Variants in DAB1 observed in about 807,000 individuals in gnomAD.
The protein encoded by DAB1 is DAB adaptor protein 1, also known as disabled homolog 1.
DAB1 carries 15 observed loss-of-function variants against 64.6 expected under a neutral mutation model. The observed-to-expected ratio is 0.23, with a 90% CI of 0.16 to 0.36. The LOEUF (loss-of-function observed/expected upper bound fraction) is 0.36, where lower values mean the gene tolerates loss of function less well. Among genes scored for constraint, DAB1 ranks in the 10% least tolerant of loss-of-function variants. The probability of loss-of-function intolerance (pLI) is 1.00; values close to 1 mark genes in which losing one functional copy is unlikely to be tolerated. For missense variants in DAB1, 596 were observed against 706.7 expected, an observed-to-expected ratio of 0.84 and a Z score of 1.78; for synonymous variants, 235 against 251.9, an observed-to-expected ratio of 0.93 and a Z score of 0.64.
chr1:58,333,655 G>A (rs1663028867), intron 4 of DAB1, among the ~76,000 whole-genome samples: 7 of 152,212 alleles, frequency 4.6e-5, no homozygotes, highest in Admixed American at 4.6e-4. Flanking sequence ...TATTTTGTAT[G>A]CTAAAAAATG....
intron 2 of DAB1, among the ~76,000 whole-genome samples, chr1:57,266,404 A>G (rs1670592731): frequency 6.6e-6 from 1 of 152,150 alleles, no homozygotes; most frequent in Non-Finnish European, 1.5e-5. Flanking sequence ...CTTGCATCTC[A>G]ATACATGGAG....
chr1:58,085,218 G>A (rs1380551742), intron 5 of DAB1, among the ~76,000 whole-genome samples: 1 of 152,166 alleles, frequency 6.6e-6, no homozygotes, highest in African/African-American at 2.4e-5. Context: ...GCCCTTGTGG[G>A]ATCTTGTCCT....
At chr1:57,753,204 T>C (rs1463508507) in intron 6 of DAB1, among the ~76,000 whole-genome samples, 2 of 152,240 alleles carry the variant, frequency 1.3e-5, no homozygotes, top group Admixed American at 6.5e-5. Flanking sequence ...ATAGGAAGCA[T>C]AGAAAAAGCC....
chr1:57,272,975 T>TC (rs1002122853), intron 2 of DAB1, among the ~76,000 whole-genome samples: 12 of 151,998 alleles, frequency 7.9e-5, no homozygotes, highest in South Asian at 2.1e-4. Flanking sequence ...TGCTTTCTGT[T>TC]CCCCCCCATT....
chr1:57,327,657 G>T (rs1676286657), intron 1 of DAB1, among the ~76,000 whole-genome samples: 1 of 152,096 alleles, frequency 6.6e-6, no homozygotes, highest in South Asian at 2.1e-4. Context: ...GGCAGGAGAG[G>T]GGAAATTTAA....
chr1:57,222,111 CCTTTTTTTT>C (rs1666924823), intron 2 of DAB1, among the ~76,000 whole-genome samples: 1 of 151,798 alleles, frequency 6.6e-6, no homozygotes, highest in African/African-American at 2.4e-5. Flanking sequence ...TGTTATTGTT[CCTTTTTTTT>C]CTTTTCTAGC....
intron 4 of DAB1, among the ~76,000 whole-genome samples, chr1:58,251,597 G>A (rs1175732745): frequency 6.6e-6 from 1 of 152,208 alleles, no homozygotes; most frequent in Non-Finnish European, 1.5e-5. Flanking sequence ...CAGGTTGAAT[G>A]TGTTTGAATA....
At chr1:57,199,860 G>A (rs901397502) in intron 2 of DAB1, among the ~76,000 whole-genome samples, 1 of 152,100 alleles carries the variant, frequency 6.6e-6, no homozygotes, top group African/African-American at 2.4e-5. Flanking sequence ...TAACACAAAT[G>A]CACTTGGAAA....
chr1:58,482,033 G>T (rs1406759289), intron 3 of DAB1, among the ~76,000 whole-genome samples: 1 of 152,170 alleles, frequency 6.6e-6, no homozygotes, highest in Non-Finnish European at 1.5e-5. Flanking sequence ...AACTCCAGGA[G>T]AAATAAAACA....
chr1:57,299,045 G>A (rs1673424985), intron 1 of DAB1, among the ~76,000 whole-genome samples: 1 of 152,160 alleles, frequency 6.6e-6, no homozygotes, highest in African/African-American at 2.4e-5. Context: ...ACTGTATGCT[G>A]AGATCATAAA....
chr1:57,696,021 C>T (rs919071406), intron 6 of DAB1, among the ~76,000 whole-genome samples: 1 of 152,082 alleles, frequency 6.6e-6, no homozygotes, highest in Non-Finnish European at 1.5e-5. Context: ...ACCTTAACAC[C>T]CAAGAACTAT....
intron 3 of DAB1, among the ~76,000 whole-genome samples, chr1:58,397,712 C>T (rs116813884): frequency 0.014 from 2,169 of 152,262 alleles, 29 homozygotes; most frequent in Admixed American, 0.023. Context: ...CCAGTCATCC[C>T]AGCCAGAAAG....
At chr1:57,731,777 C>A (rs1647434973) in intron 6 of DAB1, among the ~76,000 whole-genome samples, 1 of 151,016 alleles carries the variant, frequency 6.6e-6, no homozygotes, top group Non-Finnish European at 1.5e-5. Flanking sequence ...TGCACTCTAA[C>A]CTGGGTGACA....
intron 6 of DAB1, among the ~76,000 whole-genome samples, chr1:57,784,627 C>T (rs1650256441): frequency 6.6e-6 from 1 of 152,104 alleles, no homozygotes; most frequent in Admixed American, 6.5e-5. Flanking sequence ...CAGAGCAAGG[C>T]CCTGAACTCT....
intron 4 of DAB1, among the ~76,000 whole-genome samples, chr1:58,256,546 T>C (rs1240633556): frequency 6.6e-6 from 1 of 152,228 alleles, no homozygotes; most frequent in East Asian, 1.9e-4. Context: ...GTTCAGATGA[T>C]AATCAGAAGC....
chr1:57,917,775 C>T (rs572309834), intron 5 of DAB1, among the ~76,000 whole-genome samples: 1 of 152,250 alleles, frequency 6.6e-6, no homozygotes, highest in African/African-American at 2.4e-5. Context: ...TCTTCTTTCC[C>T]TTTTTAACTC....
At chr1:57,957,244 A>G (rs1164532151) in intron 5 of DAB1, among the ~76,000 whole-genome samples, 1 of 152,238 alleles carries the variant, frequency 6.6e-6, no homozygotes, top group Non-Finnish European at 1.5e-5. Flanking sequence ...AGGTGGTGAG[A>G]AGTGGCCACA....
chr1:57,773,576 A>G (rs1400914205), intron 6 of DAB1, among the ~76,000 whole-genome samples: 1 of 152,008 alleles, frequency 6.6e-6, no homozygotes, highest in African/African-American at 2.4e-5. Context: ...AGAAATACGT[A>G]TCTACCCCAA....
At chr1:58,106,897 T>C (rs201417243) in intron 5 of DAB1, among the ~76,000 whole-genome samples, 12 of 94,920 alleles carry the variant, frequency 1.3e-4, no homozygotes, top group African/African-American at 5.7e-4. Flanking sequence ...TCCCTTCCTC[T>C]CTCCCTCCTT....
Sources: gnomAD v4.1 joint callset for allele counts (sites outside exome capture counted in the v4.1 genomes callset) on GRCh38, gnomAD v4.1.1 for gene constraint, MANE v1.5 for transcripts, NCBI Gene and HGNC (gene_info 2026-07-23, HGNC 2026-07-21) for gene names.